CSMD3: variants seen among roughly 807,000 people sequenced by gnomAD.
CSMD3 encodes the protein CUB and sushi domain-containing protein 3.
A neutral mutation model predicts 435.2 loss-of-function variants in CSMD3; 177 were observed. The ratio of observed to expected loss-of-function variants is 0.41; its 90% CI spans 0.36 to 0.46. The LOEUF (loss-of-function observed/expected upper bound fraction) is 0.46. Ranked by LOEUF, CSMD3 falls within the 20% of genes least tolerant of loss-of-function variation. The pLI is 0.34. For synonymous variants in CSMD3, 1,656 were observed against 1,520.5 expected, an observed-to-expected ratio of 1.09 and a Z score of -2.07; for missense variants, 4,265 against 4,504.6, an observed-to-expected ratio of 0.95 and a Z score of 1.52.
intron 15 of CSMD3, among the ~76,000 whole-genome samples, chr8:112,684,080 C>T (rs1296359385): frequency 6.6e-6 from 1 of 151,406 alleles, no homozygotes; most frequent in Admixed American, 6.6e-5. Context: ...TAGAACAGAA[C>T]CAGGAAAAGG....
intron 32 of CSMD3, among the ~76,000 whole-genome samples, chr8:112,470,958 T>A (rs1818465584): frequency 6.6e-6 from 1 of 152,192 alleles, no homozygotes; most frequent in Admixed American, 6.5e-5. Context: ...TGGCTCAACG[T>A]AGCAGTTTTT....
At chr8:112,949,817 T>A (rs1324236806) in intron 8 of CSMD3, among the ~76,000 whole-genome samples, 1 of 151,982 alleles carries the variant, frequency 6.6e-6, no homozygotes, top group Non-Finnish European at 1.5e-5. Context: ...ATCACCCAAG[T>A]CCCGTTGTCT....
chr8:112,830,786 A>ATT (rs548208858), intron 11 of CSMD3, among the ~76,000 whole-genome samples: 48 of 138,338 alleles, frequency 3.5e-4, no homozygotes, highest in African/African-American at 9.6e-4. Flanking sequence ...TATAATAACA[A>ATT]TTTTTTTTTT....
At chr8:112,868,380 A>G (rs1353973721) in intron 10 of CSMD3, among the ~76,000 whole-genome samples, 1 of 152,202 alleles carries the variant, frequency 6.6e-6, no homozygotes, top group Non-Finnish European at 1.5e-5. Flanking sequence ...TAAACCACTA[A>G]CATAGTTGTT....
intron 10 of CSMD3, among the ~76,000 whole-genome samples, chr8:112,919,510 G>C (rs1214339514): frequency 6.6e-6 from 1 of 151,474 alleles, no homozygotes; most frequent in African/African-American, 2.4e-5. Context: ...TCCATGATCT[G>C]GCTATAACTT....
At chr8:112,638,265 C>G (rs1481218120) in intron 21 of CSMD3, among the ~76,000 whole-genome samples, 1 of 149,180 alleles carries the variant, frequency 6.7e-6, no homozygotes, top group Non-Finnish European at 1.5e-5. Flanking sequence ...GTTGACTATG[C>G]CTTCTATGTG....
At chr8:113,147,513 T>G (rs1295900778) in intron 4 of CSMD3, among the ~76,000 whole-genome samples, 2 of 151,700 alleles carry the variant, frequency 1.3e-5, no homozygotes, top group Non-Finnish European at 2.9e-5. Flanking sequence ...TAGGTCTTTA[T>G]GTACTTCAGC....
At chr8:112,458,256 A>C (rs181485462) in intron 32 of CSMD3, among the ~76,000 whole-genome samples, 4 of 125,996 alleles carry the variant, frequency 3.2e-5, no homozygotes, top group African/African-American at 1.1e-4. Context: ...AAATATCCAT[A>C]TTGGCTTATT....
intron 12 of CSMD3, among the ~76,000 whole-genome samples, chr8:112,804,766 G>GGTT (rs2079043630): frequency 6.6e-6 from 1 of 151,798 alleles, no homozygotes. Context: ...CCGGGTTCAA[G>GGTT]CAATTATCCT....
chr8:112,604,758 T>C (rs529439805), intron 22 of CSMD3, among the ~76,000 whole-genome samples: 2 of 152,206 alleles, frequency 1.3e-5, no homozygotes, highest in African/African-American at 2.4e-5. Flanking sequence ...CCAAAAGCAA[T>C]AGCAAGAAAT....
intron 23 of CSMD3, among the ~76,000 whole-genome samples, chr8:112,575,167 T>C (rs1829843188): frequency 6.6e-6 from 1 of 151,968 alleles, no homozygotes; most frequent in Non-Finnish European, 1.5e-5. Flanking sequence ...AATGTTAAGG[T>C]TATGCCAAAT....
rs551160430 is a variant in CSMD3, at chr8:112,701,736, C to T, written c.1973-11686G>A. 2.0e-5 allele frequency among the ~76,000 whole-genome samples: 3 copies of T among 152,274 alleles called. No individual in the cohort carries two copies. The South Asian group carries it at 6.2e-4, about 32-fold the overall frequency. The stretch of plus-strand genomic sequence containing the variant: ...CCCTTCATGATCTCAGCCTTTCCTA[C>T]CTCTCCAGTCCTGTCTCCCATCATT... On this transcript the variant is annotated intron_variant, in intron 13 of 70. Coordinates refer to ENST00000297405, the MANE Select transcript of CSMD3 (RefSeq NM_198123.2).
rs573426660 is a variant in CSMD3 at position 112,928,798 on chromosome 8, T to C, written c.1509-7047A>G. On this transcript the variant is annotated intron_variant, in intron 9 of 70. Transcript: ENST00000297405. ...CATGATTTATAGTCCTTTGGGTATA[T>C]ACCCACTAATGGCATGGCTGGGTCA... Among the ~76,000 whole-genome samples, 55 of 150,056 alleles carry C rather than the reference T, an allele frequency of 3.7e-4. 2 individuals are homozygous for C. In the Middle Eastern group the frequency reaches 0.014, roughly 38 times the overall value.
intron 14 of CSMD3, among the ~76,000 whole-genome samples, chr8:112,686,345 T>G (rs2076010111): frequency 6.6e-6 from 1 of 152,102 alleles, no homozygotes; most frequent in South Asian, 2.1e-4. Flanking sequence ...TTTTTAACTT[T>G]TAAAAACATG....
rs1563680046 is a variant in CSMD3, at chr8:112,244,379, A to G, written c.10402+15T>C. ...CAATCTCTTGTGTTAAAAAGATTCTATAGAGAAAACTTACCTTCACAAATG... is the reference window on the plus strand; with the variant it reads ...CAATCTCTTGTGTTAAAAAGATTCTGTAGAGAAAACTTACCTTCACAAATG... On this transcript the variant is annotated intron_variant, in intron 65 of 70. Transcript: ENST00000297405. The G allele has an allele frequency of 1.2e-6, 2 of 1,603,670 alleles. No individual in the cohort carries two copies. The highest frequency in any genetic ancestry group is 4.5e-5 in the East Asian group (2 of 44,784).
chr8:112,243,973 T>C (rs1325539133), intron 65 of CSMD3, among the ~76,000 whole-genome samples: 1 of 152,024 alleles, frequency 6.6e-6, no homozygotes, highest in Non-Finnish European at 1.5e-5. Context: ...TATGAGAAGA[T>C]AGGAAGAGGC....
At chr8:112,330,556 T>A (rs1823943464) in intron 45 of CSMD3, among the ~76,000 whole-genome samples, 1 of 152,086 alleles carries the variant, frequency 6.6e-6, no homozygotes, top group South Asian at 2.1e-4. Context: ...ATAAAATTTT[T>A]TCTCTTGGCA....
intron 27 of CSMD3, among the ~76,000 whole-genome samples, chr8:112,549,095 C>T (rs1827447915): frequency 6.6e-6 from 1 of 151,954 alleles, no homozygotes; most frequent in Non-Finnish European, 1.5e-5. Flanking sequence ...GACACCTTTC[C>T]ATATTACTGT....
chr8:112,752,662 A>G (rs2077596769), intron 13 of CSMD3, among the ~76,000 whole-genome samples: 1 of 152,226 alleles, frequency 6.6e-6, no homozygotes, highest in Non-Finnish European at 1.5e-5. Context: ...GGATAACTAA[A>G]GAATAAAAAC....
Sources: gnomAD v4.1 joint callset for allele counts (sites outside exome capture counted in the v4.1 genomes callset) on GRCh38, gnomAD v4.1.1 for gene constraint, MANE v1.5 for transcripts, NCBI Gene and HGNC (gene_info 2026-07-23, HGNC 2026-07-21) for gene names.